Variants in IQSEC1 observed in about 807,000 individuals in gnomAD.
IQSEC1 encodes the protein IQ motif and Sec7 domain ArfGEF 1, also known as IQ motif and SEC7 domain-containing protein 1.
A neutral mutation model predicts 91.0 loss-of-function variants in IQSEC1; 31 were observed. The ratio of observed to expected loss-of-function variants is 0.34; its 90% CI spans 0.26 to 0.46. IQSEC1 has a LOEUF of 0.46. IQSEC1 is among the 20% of genes least tolerant of loss of function. The pLI is 1.00. For synonymous variants in IQSEC1, 699 were observed against 662.6 expected (o/e 1.05, Z -0.84); for missense variants, 1,388 against 1,575.6 (o/e 0.88, Z 2.02).
chr3:13,179,926 G>A (rs9869563), intron 1 of IQSEC1, among the ~76,000 whole-genome samples: 5,068 of 152,330 alleles, frequency 0.033, 266 homozygotes, highest in African/African-American at 0.11. Context: ...TCAATTTCTC[G>A]CTGGGCCTTA....
At chr3:12,974,393 C>T (rs1033953881) in intron 1 of IQSEC1, among the ~76,000 whole-genome samples, 1 of 152,220 alleles carries the variant, frequency 6.6e-6, no homozygotes, top group Non-Finnish European at 1.5e-5. Flanking sequence ...ATATGCTTGC[C>T]GCATCCCTCA....
intron 1 of IQSEC1, among the ~76,000 whole-genome samples, chr3:13,053,794 T>C (rs921075434): frequency 6.6e-6 from 1 of 152,174 alleles, no homozygotes; most frequent in Non-Finnish European, 1.5e-5. Context: ...ACCTCTCTGT[T>C]CCACTGTCCC....
At chr3:13,034,933 C>A (rs373166957) in intron 1 of IQSEC1, among the ~76,000 whole-genome samples, 8 of 152,232 alleles carry the variant, frequency 5.3e-5, no homozygotes, top group Non-Finnish European at 5.9e-5. Context: ...GGCCTCGCCC[C>A]GACAGGGCAC....
At chr3:13,250,185 A>C (rs1695169673) in intron 1 of IQSEC1, among the ~76,000 whole-genome samples, 2 of 152,176 alleles carry the variant, frequency 1.3e-5, no homozygotes, top group African/African-American at 4.8e-5. Context: ...AGCTCTGCAG[A>C]TTCAACGAAG....
chr3:13,051,601 A>T (rs566087739), intron 1 of IQSEC1, among the ~76,000 whole-genome samples: 1 of 152,158 alleles, frequency 6.6e-6, no homozygotes, highest in Non-Finnish European at 1.5e-5. Flanking sequence ...TACATATATA[A>T]TAATTCAGTA....
intron 2 of IQSEC1, among the ~76,000 whole-genome samples, chr3:13,158,327 G>A (rs1270314178): frequency 1.3e-5 from 2 of 152,176 alleles, no homozygotes; most frequent in African/African-American, 2.4e-5. Context: ...TGTCTGCCAC[G>A]TTCAGCAGTT....
Position 12,970,511 on chromosome 3 carries a change from T to C in IQSEC1, c.24-28646A>G, listed in dbSNP as rs1414907053. Among the ~76,000 whole-genome samples the C allele has an allele frequency of 1.3e-5, 2 of 152,156 alleles. No homozygotes were observed. The highest frequency in any genetic ancestry group is 2.9e-5 in the Non-Finnish European group (2 of 68,016). On this transcript the variant is annotated intron_variant, in intron 1 of 13. Transcript: ENST00000613206. This position sits in a 1 kb window ranked among gnomAD's most constrained non-coding sequence, Gnocchi z 4.4. ...CTCCCTGCTTTCCTCCAGCCAGATG[T>C]GTGGCACTCTCCCAAAGCCCAGCCT...
chr3:13,082,493 G>A (rs933019085), intron 2 of IQSEC1, among the ~76,000 whole-genome samples: 1 of 152,166 alleles, frequency 6.6e-6, no homozygotes, highest in Non-Finnish European at 1.5e-5. Context: ...CATTCTCTAT[G>A]GGCTTTCACA....
intron 1 of IQSEC1, among the ~76,000 whole-genome samples, chr3:12,997,289 C>T (rs943707220): frequency 3.9e-5 from 6 of 151,964 alleles, no homozygotes; most frequent in Non-Finnish European, 7.4e-5. Context: ...ACAAATATGC[C>T]GAAACAAAAA....
chr3:13,254,303 C>T (rs1695249378), intron 1 of IQSEC1, among the ~76,000 whole-genome samples: 1 of 152,186 alleles, frequency 6.6e-6, no homozygotes, highest in African/African-American at 2.4e-5. Flanking sequence ...CCTGAGGCCT[C>T]GCTGGCCAGG....
intron 1 of IQSEC1, among the ~76,000 whole-genome samples, chr3:12,985,116 G>A (rs1370981394): frequency 6.6e-6 from 1 of 152,104 alleles, no homozygotes; most frequent in Non-Finnish European, 1.5e-5. Context: ...GAGCCACCGC[G>A]CCCAGCCGCA....
At chr3:13,254,770 G>A (rs1695257648) in intron 1 of IQSEC1, among the ~76,000 whole-genome samples, 1 of 152,186 alleles carries the variant, frequency 6.6e-6, no homozygotes, top group African/African-American at 2.4e-5. Context: ...GCACCGGAGG[G>A]CTCTCCACAG....
chr3:13,201,197 G>C (rs1348530153), intron 1 of IQSEC1, among the ~76,000 whole-genome samples: 1 of 152,218 alleles, frequency 6.6e-6, no homozygotes, highest in Non-Finnish European at 1.5e-5. Flanking sequence ...TGGCCAGGAA[G>C]GACGGTGACC....
intron 1 of IQSEC1, among the ~76,000 whole-genome samples, chr3:13,038,288 ATATAT>A: frequency 7.0e-6 from 1 of 142,972 alleles, no homozygotes; most frequent in Non-Finnish European, 1.5e-5. Flanking sequence ...ATATATATAT[ATATAT>A]ATATAAAATG....
chr3:13,028,408 A>G (rs995799898), intron 1 of IQSEC1, among the ~76,000 whole-genome samples: 1 of 152,202 alleles, frequency 6.6e-6, no homozygotes, highest in Admixed American at 6.5e-5. Flanking sequence ...TATAAAGACA[A>G]TTGCACAGTC....
chr3:12,997,613 G>A (rs933753325), intron 1 of IQSEC1, among the ~76,000 whole-genome samples: 2 of 152,158 alleles, frequency 1.3e-5, no homozygotes, highest in Non-Finnish European at 2.9e-5. Flanking sequence ...ACACACCTAG[G>A]CTATATGGTA....
At chr3:13,004,841 G>A (rs746433635) in intron 1 of IQSEC1, among the ~76,000 whole-genome samples, 4 of 152,078 alleles carry the variant, frequency 2.6e-5, no homozygotes, top group African/African-American at 4.8e-5. Flanking sequence ...AAATATCCAC[G>A]AGGTAGCCTC....
intron 2 of IQSEC1, among the ~76,000 whole-genome samples, chr3:13,108,509 A>G (rs954469689): frequency 6.8e-6 from 1 of 146,400 alleles, no homozygotes; most frequent in African/African-American, 2.5e-5. Flanking sequence ...TGCACATTCT[A>G]TTTTTTTTTT....
intron 12 of IQSEC1, among the ~76,000 whole-genome samples, chr3:12,905,259 T>TC (rs1211574332): frequency 3.3e-5 from 5 of 152,242 alleles, no homozygotes; most frequent in African/African-American, 4.8e-5. Context: ...CTTGAAGGGC[T>TC]CCCAGGATGA....
Sources: gnomAD v4.1 joint callset for allele counts (sites outside exome capture counted in the v4.1 genomes callset) on GRCh38, gnomAD v4.1.1 for gene constraint, Gnocchi (gnomAD v3.1) non-coding constraint, MANE v1.5 for transcripts, NCBI Gene and HGNC (gene_info 2026-07-23, HGNC 2026-07-21) for gene names.